The following MAGEL2 variants were observed in gnomAD, a reference collection of about 807,000 sequenced individuals.
The protein encoded by MAGEL2 is MAGE family member L2.
For synonymous variants in MAGEL2, 792 were observed against 721.7 expected, an observed-to-expected ratio of 1.10 and a Z score of -1.56; for missense variants, 1,830 against 1,699.2, an observed-to-expected ratio of 1.08 and a Z score of -1.35.
rs1172069849 is a variant in MAGEL2 at position 23,647,691 on chromosome 15, G to A, written c.52C>T (p.Pro18Ser). 2 of 1,497,788 alleles carry A rather than the reference G, an allele frequency of 1.3e-6. No individual in the cohort carries two copies. Among genetic ancestry groups the A allele is most frequent in the African/African-American group, 1.4e-5 (1 of 71,104 alleles). The allele number at this position is 1,497,788 out of a possible 1,614,324, so 92.8% of individuals were successfully genotyped here. ...GGGCGGCTATAGACAGGCGGCTTCG[G>A]GGCCTCCGCCGGAGGACTCGAGTCA... ...LGDSSPPAEA[P>S]KPPVYSRPTV... Residue 18 changes from proline to serine, a missense_variant, in exon 1 of 1, where the codon CCG (proline) becomes TCG (serine). By Grantham distance (74) the Pro-to-Ser change is moderately conservative. Transcript: ENST00000650528.
rs1595330958 is a variant in MAGEL2 at position 23,643,813 on chromosome 15, C to G, written c.*180G>C. 1.7e-6 allele frequency: 1 copy of G among 602,374 alleles called. No individual in the cohort carries two copies. Among genetic ancestry groups the G allele is most frequent in the East Asian group, 2.9e-5 (1 of 34,806 alleles). 37.3% of individuals were successfully genotyped at this position (602,374 alleles called of 1,614,324 possible). ...GCCAAAATACAGAACAGAACAGTAG[C>G]CGATTGAAATCAACACCACATAAAA... On this transcript the variant is annotated 3_prime_UTR_variant, in exon 1 of 1. Transcript: ENST00000650528.
Position 23,646,129 on chromosome 15 carries a change from C to G in MAGEL2, c.1614G>C (p.Ala538=). The G allele has an allele frequency of 7.4e-7, 1 of 1,350,100 alleles. No individual in the cohort carries two copies. The highest frequency in any genetic ancestry group is 1.9e-5 in the South Asian group (1 of 53,684). 83.6% of individuals were successfully genotyped at this position (1,350,100 alleles called of 1,614,324 possible). ...QARLPAPQVQ[A]APQVPTAPPA... ...GTGGGGCCGTAGGCACCTGCGGCGC[C>G]GCCTGCACCTGCGGGGCCGGCAGCC... is the stretch of plus-strand genomic sequence containing the variant. The change falls in exon 1 of 1, where the codon GCG becomes GCC. Residue 538 remains alanine (A), a synonymous_variant. Transcript: ENST00000650528. This position sits in a 1 kb window ranked among gnomAD's most constrained non-coding sequence, Gnocchi z 4.2.
In MAGEL2 at chr15:23,645,351, G is replaced by A; in HGVS notation, c.2392C>T (p.Pro798Ser). The change falls in exon 1 of 1, where the codon CCT (proline) becomes TCT (serine). Residue 798 changes from proline to serine, a missense_variant. By Grantham distance (74) the Pro-to-Ser change is moderately conservative. Transcript: ENST00000650528. ...SVFPATSQFQ[P>S]ASLNAFKGPS... ...CCTTTAAAGGCATTCAGAGAGGCAG[G>A]CTGAAACTGGGAGGTAGCTGGGAAG... 2 of 1,614,016 alleles carry A rather than the reference G, an allele frequency of 1.2e-6. No individual in the cohort carries two copies. Among genetic ancestry groups the A allele is most frequent in the Admixed American group, 1.7e-5 (1 of 60,034 alleles).
Position 23,646,897 on chromosome 15 carries a change from TGGA to T in MAGEL2, c.843_845del (p.Pro282del). 6.5e-7 allele frequency: 1 copy of T among 1,536,882 alleles called. No homozygotes were observed. Among genetic ancestry groups the T allele is most frequent in the East Asian group, 2.4e-5 (1 of 40,874 alleles). ...GATGAATCATCAGGACTCCTGGACC[TGGA>T]GGCTTGGCCATCGGTGCTCCTGAAG... On this transcript the variant is annotated inframe_deletion, in exon 1 of 1. Transcript: ENST00000650528. The surrounding 1 kb of genome is among the most constrained non-coding windows in gnomAD (Gnocchi z 4.2).
rs1213057240 is a variant in MAGEL2, at chr15:23,646,703, G to A, written c.1040C>T (p.Ala347Val). 2.0e-6 allele frequency: 3 copies of A among 1,529,012 alleles called. No individual in the cohort carries two copies. The highest frequency in any genetic ancestry group is 2.6e-6 in the Non-Finnish European group (3 of 1,142,600). 94.7% of individuals were successfully genotyped at this position (1,529,012 alleles called of 1,614,324 possible). The change falls in exon 1 of 1, where the codon GCT becomes GTT. Residue 347 changes from alanine to valine, a missense_variant. Physicochemically the swap from Ala to Val is moderately conservative, Grantham distance 64. Coordinates refer to ENST00000650528, the MANE Select transcript of MAGEL2 (RefSeq NM_019066.5). This position sits in a 1 kb window ranked among gnomAD's most constrained non-coding sequence, Gnocchi z 4.2. The stretch of plus-strand genomic sequence containing the variant: ...CGGGCCCTGGGGAACCTGCGGAGGA[G>A]CCCTTATAACTTGAGACTGGATTTG... ...ILQIQSQVIR[A>V]PPQVPQGPQA...
chr15:23,644,891 G>T lies in MAGEL2; in HGVS notation c.2852C>A (p.Thr951Asn). The T allele has an allele frequency of 6.2e-7, 1 of 1,612,944 alleles. No homozygotes were observed. Among genetic ancestry groups the T allele is most frequent in the Non-Finnish European group, 8.5e-7 (1 of 1,179,856 alleles). The change falls in exon 1 of 1, where the codon ACC becomes AAC. Residue 951 changes from threonine (T) to asparagine (N), a missense_variant. By Grantham distance (65) the Thr-to-Asn change is moderately conservative. Coordinates refer to ENST00000650528, the MANE Select transcript of MAGEL2 (RefSeq NM_019066.5). ...TTCCCAGCCACTCAGGATCCTGGAG[G>T]TGCTAGGGCCCTCCCAACCACTCAG... ...RGLSGWEGPS[T>N]SRILSGWEGP... is the part of the protein sequence containing the mutation.
chr15:23,644,822 C>G lies in MAGEL2; in HGVS notation c.2921G>C (p.Ser974Thr). ...AGAGAGACCCAGGGCCCTGGAGGTG[C>G]TCGGGCCCTCCCAGGCACTCAGGGC... ...SWALSAWEGPSTSRALGLSES... is the reference protein window; with the variant it reads ...SWALSAWEGPTTSRALGLSES... Residue 974 changes from serine to threonine, a missense_variant, in exon 1 of 1, where the codon AGC (serine) becomes ACC (threonine). Transcript: ENST00000650528. 6.2e-7 allele frequency: 1 copy of G among 1,612,714 alleles called. No individual in the cohort carries two copies.
rs758017131 is a variant in MAGEL2 at position 23,645,199 on chromosome 15, C to T, written c.2544G>A (p.Ser848=). 18 of 1,613,870 alleles carry T rather than the reference C, an allele frequency of 1.1e-5. No individual in the cohort carries two copies. The highest frequency in any genetic ancestry group is 1.1e-4 in the East Asian group (5 of 44,866). ...PQPNMNASKA[S]QAVPTFLMAT... ...CCATCAGGAAGGTGGGCACTGCCTG[C>T]GATGCCTTTGAGGCATTCATATTGG... Residue 848 remains serine (S), a synonymous_variant, in exon 1 of 1, where the codon TCG becomes TCA. Transcript: ENST00000650528.
chr15:23,643,815 G>T lies in MAGEL2; in HGVS notation c.*178C>A. 3.3e-6 allele frequency: 2 copies of T among 609,254 alleles called. No homozygotes were observed. Among genetic ancestry groups the T allele is most frequent in the Non-Finnish European group, 5.3e-6 (2 of 373,986 alleles). The allele number at this position is 609,254 out of a possible 1,614,324, so 37.7% of individuals were successfully genotyped here. On this transcript the variant is annotated 3_prime_UTR_variant, in exon 1 of 1. Transcript: ENST00000650528. ...CAAAATACAGAACAGAACAGTAGCC[G>T]ATTGAAATCAACACCACATAAAAAA...
rs371498748 is a variant in MAGEL2, at chr15:23,644,665, C to T, written c.3078G>A (p.Ala1026=). 2.0e-5 allele frequency: 33 copies of T among 1,613,730 alleles called. No homozygotes were observed. Among genetic ancestry groups the T allele is most frequent in the Admixed American group, 1.0e-4 (6 of 60,002 alleles). ...CCTTGACTAAGAGGAACTGCACCAA[C>T]GCATTTGCCCTCTCATCCAAGGGAG... ...PLSPLDERAN[A]LVQFLLVKDQ... The change falls in exon 1 of 1, where the codon GCG becomes GCA. Residue 1026 remains alanine, a synonymous_variant. Transcript: ENST00000650528.
Position 23,646,939 on chromosome 15 carries a change from C to G in MAGEL2, c.804G>C (p.Met268Ile). The G allele has an allele frequency of 6.5e-7, 1 of 1,537,050 alleles. No homozygotes were observed. Among genetic ancestry groups the G allele is most frequent in the Non-Finnish European group, 8.7e-7 (1 of 1,146,888 alleles). The change falls in exon 1 of 1, where the codon ATG becomes ATC. Residue 268 changes from methionine to isoleucine, a missense_variant. Transcript: ENST00000650528. This position sits in a 1 kb window ranked among gnomAD's most constrained non-coding sequence, Gnocchi z 4.2. ...GTGCTCCTGAAGGCTGAGGCTGGGTCATCATGGCTGCTGGAGGCGGCTGGA... is the reference window on the plus strand; with the variant it reads ...GTGCTCCTGAAGGCTGAGGCTGGGTGATCATGGCTGCTGGAGGCGGCTGGA... ...PMVQPPPAAM[M>I]TQPQPSGAPM... is the part of the protein sequence containing the mutation.
At position 23,644,510 on chromosome 15, in the gene MAGEL2, T is replaced by C; in HGVS notation, c.3233A>G (p.Lys1078Arg). The stretch of plus-strand genomic sequence containing the variant: ...GGCGTGGTTTTTGGTATCAATTTCT[T>C]TCAATTGATAACCAAAGGCACACTC... Reference protein sequence around the residue: ...KLECAFGYQLKEIDTKNHAYI... With the variant: ...KLECAFGYQLREIDTKNHAYI... The change falls in exon 1 of 1, where the codon AAA becomes AGA. Residue 1078 changes from lysine to arginine, a missense_variant. By Grantham distance (26) the Lys-to-Arg change is conservative (BLOSUM62 2). Transcript: ENST00000650528. 6.2e-7 allele frequency: 1 copy of C among 1,613,890 alleles called. No individual in the cohort carries two copies. Among genetic ancestry groups the C allele is most frequent in the Non-Finnish European group, 8.5e-7 (1 of 1,179,872 alleles).
In MAGEL2 at chr15:23,643,959, G is replaced by A; in HGVS notation, c.*34C>T. On this transcript the variant is annotated 3_prime_UTR_variant, in exon 1 of 1. Coordinates refer to ENST00000650528, the MANE Select transcript of MAGEL2 (RefSeq NM_019066.5). The stretch of plus-strand genomic sequence containing the variant: ...CCACCCTGTCAGTGGCCTCTGGCCA[G>A]GGAAACACAGGAGCGAGATCTCTGC... 1.3e-6 allele frequency: 2 copies of A among 1,516,314 alleles called. No homozygotes were observed. The highest frequency in any genetic ancestry group is 1.8e-6 in the Non-Finnish European group (2 of 1,132,204). The allele number at this position is 1,516,314 out of a possible 1,614,324, so 93.9% of individuals were successfully genotyped here.
At position 23,647,576 on chromosome 15, in the gene MAGEL2, G is replaced by A; in HGVS notation, c.167C>T (p.Ala56Val). Residue 56 changes from alanine to valine, a missense_variant, in exon 1 of 1, where the codon GCC (alanine) becomes GTC (valine). By Grantham distance (64) the Ala-to-Val change is moderately conservative. Coordinates refer to ENST00000650528, the MANE Select transcript of MAGEL2 (RefSeq NM_019066.5). ...PPPIDLQASL[A>V]AWQAPQPAWE... ...GGCAGGCTGAGGTGCCTGCCAAGCG[G>A]CCAATGAAGCCTGCAAGTCAATTGG... 6.5e-7 allele frequency: 1 copy of A among 1,536,094 alleles called. No homozygotes were observed. Among genetic ancestry groups the A allele is most frequent in the Non-Finnish European group, 8.7e-7 (1 of 1,146,744 alleles).
At position 23,645,346 on chromosome 15, in the gene MAGEL2, G is replaced by C. The variant is rs1261146179; in HGVS notation, c.2397C>G (p.Ala799=). 5 of 1,613,890 alleles carry C rather than the reference G, an allele frequency of 3.1e-6. No individual in the cohort carries two copies. The highest frequency in any genetic ancestry group is 4.2e-6 in the Non-Finnish European group (5 of 1,179,896). The part of the protein sequence containing the change: ...VFPATSQFQP[A]SLNAFKGPSA... ...AGGGGCCTTTAAAGGCATTCAGAGA[G>C]GCAGGCTGAAACTGGGAGGTAGCTG... Residue 799 remains alanine, a synonymous_variant, in exon 1 of 1, where the codon GCC becomes GCG. Coordinates refer to ENST00000650528, the MANE Select transcript of MAGEL2 (RefSeq NM_019066.5).
rs1250206552 is a variant in MAGEL2 at position 23,647,281 on chromosome 15, A to C, written c.462T>G (p.Pro154=). Residue 154 remains proline (P), a synonymous_variant, in exon 1 of 1, where the codon CCT becomes CCG. Transcript: ENST00000650528. ...GAGGATGGGCCATTGGGGTCCCCGGAGGGGGAGGGTGGGACATTGGGGTCC... is the reference window on the plus strand; with the variant it reads ...GAGGATGGGCCATTGGGGTCCCCGGCGGGGGAGGGTGGGACATTGGGGTCC... The part of the protein sequence containing the change: ...PPGTPMSHPP[P]PGTPMAHPPP... 1 of 1,533,646 alleles carries C rather than the reference A, an allele frequency of 6.5e-7. No homozygotes were observed. Among genetic ancestry groups the C allele is most frequent in the African/African-American group, 1.4e-5 (1 of 72,410 alleles).
chr15:23,644,457 G>A lies in MAGEL2; in HGVS notation c.3286C>T (p.His1096Tyr). The A allele has an allele frequency of 6.2e-7, 1 of 1,613,898 alleles. No individual in the cohort carries two copies. Among genetic ancestry groups the A allele is most frequent in the Non-Finnish European group, 8.5e-7 (1 of 1,179,896 alleles). Residue 1096 changes from histidine to tyrosine, a missense_variant, in exon 1 of 1, where the codon CAT (histidine) becomes TAT (tyrosine). Coordinates refer to ENST00000650528, the MANE Select transcript of MAGEL2 (RefSeq NM_019066.5). ...TAGGATGCCACCAAATTCCCTGTAT[G>A]GTAGCCCAGCTTGTTGATGATAATA... ...AYIIINKLGY[H>Y]TGNLVASYLD...
In MAGEL2 at chr15:23,643,950, C is replaced by T. The variant is rs1474586198; in HGVS notation, c.*43G>A. 6.7e-7 allele frequency: 1 copy of T among 1,503,292 alleles called. No individual in the cohort carries two copies. The highest frequency in any genetic ancestry group is 8.9e-7 in the Non-Finnish European group (1 of 1,126,740). 93.1% of individuals were successfully genotyped at this position (1,503,292 alleles called of 1,614,324 possible). On this transcript the variant is annotated 3_prime_UTR_variant, in exon 1 of 1. Coordinates refer to ENST00000650528, the MANE Select transcript of MAGEL2 (RefSeq NM_019066.5). Reference sequence around the variant, plus strand: ...AATGTCCCCCCACCCTGTCAGTGGCCTCTGGCCAGGGAAACACAGGAGCGA... The same window carrying T: ...AATGTCCCCCCACCCTGTCAGTGGCTTCTGGCCAGGGAAACACAGGAGCGA...
rs1432056131 is a variant in MAGEL2, at chr15:23,645,724, C to A, written c.2019G>T (p.Pro673=). ...GCGGCAGTGTGGGCACCTCCGCTTG[C>A]GGACCCGATGCCTGGGCCTGCTGGG... ...LPPQQAQASG[P]QAEVPTLPLQ... is the part of the protein sequence containing the mutation. Residue 673 remains proline (P), a synonymous_variant, in exon 1 of 1, where the codon CCG becomes CCT. Transcript: ENST00000650528. The A allele has an allele frequency of 2.6e-6, 4 of 1,562,050 alleles. No individual in the cohort carries two copies. Among genetic ancestry groups the A allele is most frequent in the Admixed American group, 1.9e-5 (1 of 52,868 alleles).
Sources: allele counts gnomAD v4.1 joint callset, GRCh38; gene constraint gnomAD v4.1.1; non-coding constraint Gnocchi (gnomAD v3.1); transcripts MANE v1.5; gene names NCBI Gene and HGNC (gene_info 2026-07-23, HGNC 2026-07-21).